The following POLA1 variants were observed in gnomAD, a reference collection of about 807,000 sequenced individuals.
POLA1 encodes the protein DNA polymerase alpha catalytic subunit.
In POLA1, 15 loss-of-function variants were observed where a neutral mutation model predicts 124.0. The ratio of observed to expected loss-of-function variants is 0.12; its 90% CI spans 0.08 to 0.19. The LOEUF (loss-of-function observed/expected upper bound fraction) is 0.19. POLA1 is among the 10% of genes least tolerant of loss of function. POLA1 has a pLI of 1.00. For synonymous variants in POLA1, 408 were observed against 389.4 expected, an observed-to-expected ratio of 1.05 and a Z score of -0.56; for missense variants, 886 against 1,103.4, an observed-to-expected ratio of 0.80 and a Z score of 2.79.
chrX:24,788,184 T>A (rs1300130399), intron 26 of POLA1, among the ~76,000 whole-genome samples: 2 of 111,064 alleles, frequency 1.8e-5, no homozygotes, highest in Non-Finnish European at 3.8e-5. Context: ...TAAAAACCCC[T>A]CAACAAATTA....
intron 13 of POLA1, 21 bp from the exon 14 acceptor site, chrX:24,726,912 T>A (rs778438950): frequency 1.1e-5 from 7 of 630,522 alleles, no homozygotes; most frequent in African/African-American, 2.4e-5. Context: ...AAAAAGATTC[T>A]TTTTTTTTTT....
chrX:24,929,806 G>A (rs1427383419), intron 35 of POLA1, among the ~76,000 whole-genome samples: 1 of 111,927 alleles, frequency 8.9e-6, no homozygotes, highest in African/African-American at 3.2e-5. Flanking sequence ...GTTCAGACAC[G>A]TCTCCTACAC....
At chrX:24,866,491 A>G (rs1019699916) in intron 34 of POLA1, among the ~76,000 whole-genome samples, 10 of 112,068 alleles carry the variant, frequency 8.9e-5, no homozygotes, top group Middle Eastern at 4.6e-3. Context: ...ACATTCAGAG[A>G]CTTTGAAACT....
At chrX:24,835,559 AT>A (rs1188600213) in intron 32 of POLA1, among the ~76,000 whole-genome samples, 26 of 101,293 alleles carry the variant, frequency 2.6e-4, no homozygotes, top group African/African-American at 4.6e-4. Context: ...GTTAATTTCT[AT>A]TTTTTTTTTT....
At chrX:24,751,435 C>T (rs1932315641) in intron 26 of POLA1, among the ~76,000 whole-genome samples, 1 of 112,005 alleles carries the variant, frequency 8.9e-6, no homozygotes, top group African/African-American at 3.2e-5. Context: ...CCTGTTCTCT[C>T]CACTAAAAAA....
At chrX:24,698,253 A>AGT (rs1303757311) in intron 1 of POLA1, among the ~76,000 whole-genome samples, 1 of 111,616 alleles carries the variant, frequency 9.0e-6, no homozygotes, top group African/African-American at 3.3e-5. Flanking sequence ...AATTTTTTTC[A>AGT]GTGTGTGTGT....
At chrX:24,956,247 C>T (rs1601907238) in intron 36 of POLA1, among the ~76,000 whole-genome samples, 1 of 109,803 alleles carries the variant, frequency 9.1e-6, no homozygotes, top group South Asian at 4.0e-4. Flanking sequence ...GAGTTATGAT[C>T]GTGCCACTGT....
At chrX:24,772,541 C>T (rs953692668) in intron 26 of POLA1, among the ~76,000 whole-genome samples, 9 of 110,520 alleles carry the variant, frequency 8.1e-5, no homozygotes, top group Non-Finnish European at 1.9e-5. Flanking sequence ...CTCCGTCCTC[C>T]AAGCCTCCAC....
At chrX:24,907,966 A>G (rs1337701774) in intron 35 of POLA1, among the ~76,000 whole-genome samples, 1 of 111,902 alleles carries the variant, frequency 8.9e-6, no homozygotes, top group Non-Finnish European at 1.9e-5. Flanking sequence ...TTTGCATTCC[A>G]CTTGAAGTGG....
intron 35 of POLA1, among the ~76,000 whole-genome samples, chrX:24,923,857 T>C (rs1448015443): frequency 1.8e-5 from 2 of 111,749 alleles, no homozygotes; most frequent in African/African-American, 6.5e-5. Context: ...AACATAGATA[T>C]TGCAAATAAA....
rs905347915 is a variant in POLA1, at chrX:24,935,258, G to A, written c.4261+4709G>A. On this transcript the variant is annotated intron_variant, in intron 36 of 36. Transcript: ENST00000379068. Reference sequence around the variant, plus strand: ...CAACCTACCTTCAGTATGAATTTTGGGGGGGCACAATTCAGTCCATAACTG... The same window carrying A: ...CAACCTACCTTCAGTATGAATTTTGAGGGGGCACAATTCAGTCCATAACTG... 3.6e-5 allele frequency among the ~76,000 whole-genome samples: 4 copies of A among 112,248 alleles called. No homozygotes were observed. The Admixed American group carries it at 3.8e-4, about 11-fold the overall frequency.
intron 36 of POLA1, among the ~76,000 whole-genome samples, chrX:24,970,027 T>C (rs1274339724): frequency 8.9e-6 from 1 of 112,648 alleles, no homozygotes; most frequent in East Asian, 2.8e-4. Context: ...CTGCATAGTA[T>C]TCCATGGTGT....
chrX:24,709,382 G>T (rs1929150877), intron 4 of POLA1, among the ~76,000 whole-genome samples: 1 of 97,240 alleles, frequency 1.0e-5, no homozygotes, highest in Admixed American at 1.0e-4. Context: ...GGCTGGCCAG[G>T]CGGGGGGCTG....
intron 26 of POLA1, among the ~76,000 whole-genome samples, chrX:24,777,406 C>G (rs1328344629): frequency 8.9e-6 from 1 of 112,177 alleles, no homozygotes; most frequent in East Asian, 2.8e-4. Context: ...AAGTAGCATT[C>G]TATTTGTGTT....
At chrX:24,753,124 C>T (rs1932406934) in intron 26 of POLA1, among the ~76,000 whole-genome samples, 1 of 108,970 alleles carries the variant, frequency 9.2e-6, no homozygotes, top group Non-Finnish European at 1.9e-5. Flanking sequence ...CCATTCTACT[C>T]TCCCTCAGCC....
At chrX:24,947,007 A>G (rs2047969650) in intron 36 of POLA1, among the ~76,000 whole-genome samples, 1 of 111,128 alleles carries the variant, frequency 9.0e-6, no homozygotes, top group Non-Finnish European at 1.9e-5. Flanking sequence ...GACAATTACT[A>G]ATAGAGTTGG....
chrX:24,722,200 G>T (rs1050580452), intron 10 of POLA1, among the ~76,000 whole-genome samples: 1 of 112,174 alleles, frequency 8.9e-6, no homozygotes, highest in African/African-American at 3.2e-5. Flanking sequence ...ATAAGTGGCT[G>T]TGTTGAGTGG....
chrX:24,736,181 G>C (rs941818276), intron 18 of POLA1, among the ~76,000 whole-genome samples: 1 of 111,322 alleles, frequency 9.0e-6, no homozygotes, highest in African/African-American at 3.3e-5. Flanking sequence ...GATGTGATAT[G>C]GGTAATTTGG....
At chrX:24,806,053 G>GGTTT (rs2045791856) in intron 26 of POLA1, among the ~76,000 whole-genome samples, 1 of 35,286 alleles carries the variant, frequency 2.8e-5, no homozygotes, top group Non-Finnish European at 4.7e-5. Context: ...GTGGTATGAG[G>GGTTT]TTTTTTTTTT....
Sources: gnomAD v4.1 joint callset for allele counts (sites outside exome capture counted in the v4.1 genomes callset) on GRCh38, gnomAD v4.1.1 for gene constraint, MANE v1.5 for transcripts, NCBI Gene and HGNC (gene_info 2026-07-23, HGNC 2026-07-21) for gene names.